The following GABRB2 variants were observed in gnomAD, a reference collection of about 807,000 sequenced individuals.
GABRB2 encodes the protein gamma-aminobutyric acid receptor subunit beta-2.
Under a neutral mutation model 54.7 loss-of-function variants are expected in GABRB2, and 16 were observed. That is an observed-to-expected ratio of 0.29 (90% CI 0.20 to 0.44). The LOEUF (loss-of-function observed/expected upper bound fraction) is 0.44, where lower values mean the gene tolerates loss of function less well. Ranked by LOEUF, GABRB2 falls within the 20% of genes least tolerant of loss-of-function variation. The probability of loss-of-function intolerance (pLI) is 1.00; values close to 1 mark genes in which losing one functional copy is unlikely to be tolerated. For synonymous variants in GABRB2, 244 were observed against 233.8 expected (o/e 1.04, Z -0.40); for missense variants, 355 against 644.0 (o/e 0.55, Z 4.86).
intron 3 of GABRB2, among the ~76,000 whole-genome samples, chr5:161,464,890 T>C (rs1320518006): frequency 6.6e-6 from 1 of 151,916 alleles, no homozygotes; most frequent in Non-Finnish European, 1.5e-5. Context: ...GGGTTCAAGA[T>C]GGGGGAGCAG....
chr5:161,394,830 G>T (rs1755946728), intron 5 of GABRB2, among the ~76,000 whole-genome samples: 1 of 151,936 alleles, frequency 6.6e-6, no homozygotes, highest in Non-Finnish European at 1.5e-5. Context: ...AAGGAAGATG[G>T]ATCACTGTCC....
At chr5:161,547,385 GA>G (rs1761020341), upstream of GABRB2, among the ~76,000 whole-genome samples, 1 of 152,038 alleles carries the variant, frequency 6.6e-6, no homozygotes, top group Non-Finnish European at 1.5e-5. Context: ...GAAAGAGAAA[GA>G]AAAGAATAAA....
At chr5:161,381,573 G>A (rs1201747711) in intron 5 of GABRB2, among the ~76,000 whole-genome samples, 3 of 152,124 alleles carry the variant, frequency 2.0e-5, no homozygotes, top group African/African-American at 4.8e-5. Flanking sequence ...CCTAGAAGAG[G>A]AGATGGGCTT....
chr5:161,477,325 T>C (rs1758625435), intron 3 of GABRB2, among the ~76,000 whole-genome samples: 1 of 145,504 alleles, frequency 6.9e-6, no homozygotes, highest in Non-Finnish European at 1.5e-5. Context: ...TTGATGAAGA[T>C]GTGGAGAAAC....
intron 5 of GABRB2, among the ~76,000 whole-genome samples, chr5:161,382,193 G>A (rs1033627219): frequency 2.6e-5 from 4 of 152,178 alleles, no homozygotes; most frequent in African/African-American, 9.6e-5. Context: ...GCAGAGGAAA[G>A]CAAATGTCAG....
Position 161,500,376 on chromosome 5 carries a change from A to G in GABRB2, c.238-40532T>C, listed in dbSNP as rs1382616013. Among the ~76,000 whole-genome samples the G allele has an allele frequency of 3.3e-5, 5 of 152,144 alleles. No individual in the cohort carries two copies. In the East Asian group the frequency reaches 9.7e-4, roughly 29 times the overall value. On this transcript the variant is annotated intron_variant, in intron 3 of 9. Coordinates refer to ENST00000393959, the MANE Select transcript of GABRB2 (RefSeq NM_001371727.1). ...TGGAGTGGATGACCCTGAAGTCAATATAGAGTAATGCAAAGAACACAGCCT... is the reference window on the plus strand; with the variant it reads ...TGGAGTGGATGACCCTGAAGTCAATGTAGAGTAATGCAAAGAACACAGCCT...
chr5:161,331,391 A>G (rs1423800865), intron 7 of GABRB2, among the ~76,000 whole-genome samples: 1 of 152,136 alleles, frequency 6.6e-6, no homozygotes, highest in African/African-American at 2.4e-5. Context: ...TTAAAACGTG[A>G]ATTAAATGCT....
intron 3 of GABRB2, among the ~76,000 whole-genome samples, chr5:161,489,117 G>C (rs1221364534): frequency 2.0e-5 from 3 of 151,718 alleles, no homozygotes; most frequent in Non-Finnish European, 4.4e-5. Flanking sequence ...GACTATTAGT[G>C]CTGAGAATGG....
In GABRB2 at chr5:161,313,463, A is replaced by T. The variant is rs112895013; in HGVS notation, c.1191+12905T>A. ...AAAACACCTCCGTCCTCTGAAACTC[A>T]GCAGCATGTATTATCTGTACCATAG... On this transcript the variant is annotated intron_variant, in intron 9 of 9. Transcript: ENST00000393959. 9.9e-3 allele frequency among the ~76,000 whole-genome samples: 1,506 copies of T among 152,120 alleles called. 28 individuals carry two copies. Among genetic ancestry groups the T allele is most frequent in the African/African-American group, 0.034 (1,393 of 41,472 alleles).
intron 5 of GABRB2, among the ~76,000 whole-genome samples, chr5:161,369,117 T>C (rs1755057001): frequency 6.6e-6 from 1 of 152,216 alleles, no homozygotes; most frequent in Non-Finnish European, 1.5e-5. Context: ...CTTCTTATCT[T>C]TGAATTCTTT....
At chr5:161,394,817 G>A (rs961767336) in intron 5 of GABRB2, among the ~76,000 whole-genome samples, 1 of 151,948 alleles carries the variant, frequency 6.6e-6, no homozygotes, top group Non-Finnish European at 1.5e-5. Context: ...TCAGAAAATA[G>A]AGAAGGAAGA....
rs1471433824 is a variant in GABRB2 at position 161,477,049 on chromosome 5, C to T, written c.238-17205G>A. On this transcript the variant is annotated intron_variant, in intron 3 of 9. Transcript: ENST00000393959. ...ATGTATCTGAGAAGGTATTAATATACAGGATATATTTTTAAAAACTCCTAC... is the reference window on the plus strand; with the variant it reads ...ATGTATCTGAGAAGGTATTAATATATAGGATATATTTTTAAAAACTCCTAC... 4.0e-5 allele frequency among the ~76,000 whole-genome samples: 6 copies of T among 151,770 alleles called. No homozygotes were observed. The South Asian group carries it at 1.0e-3, about 26-fold the overall frequency.
At chr5:161,516,472 C>T (rs192011110) in intron 3 of GABRB2, among the ~76,000 whole-genome samples, 13 of 152,090 alleles carry the variant, frequency 8.5e-5, no homozygotes, top group South Asian at 2.1e-4. Flanking sequence ...CTTCTATGCC[C>T]GTATTACAGA....
intron 5 of GABRB2, among the ~76,000 whole-genome samples, chr5:161,342,555 A>G (rs1754205105): frequency 6.6e-6 from 1 of 152,068 alleles, no homozygotes; most frequent in Admixed American, 6.6e-5. Flanking sequence ...AATCTGCTTA[A>G]TTTTACTTAC....
intron 4 of GABRB2, among the ~76,000 whole-genome samples, chr5:161,448,437 C>T (rs937961850): frequency 3.9e-5 from 6 of 152,058 alleles, no homozygotes; most frequent in African/African-American, 7.2e-5. Context: ...TTTCTTCAAT[C>T]GAGCAGAAAA....
At chr5:161,451,461 C>T (rs904070626) in intron 4 of GABRB2, among the ~76,000 whole-genome samples, 8 of 152,114 alleles carry the variant, frequency 5.3e-5, no homozygotes, top group Non-Finnish European at 7.4e-5. Context: ...GGAGTATATA[C>T]CCTGAGCCAT....
At chr5:161,442,985 G>A (rs1038680568) in intron 4 of GABRB2, among the ~76,000 whole-genome samples, 16 of 152,050 alleles carry the variant, frequency 1.1e-4, no homozygotes, top group Non-Finnish European at 1.8e-4. Context: ...ATACATTCAC[G>A]TTCAGTACCT....
intron 6 of GABRB2, 42 bp downstream of exon 6, chr5:161,336,590 G>A (rs531024953): frequency 1.6e-5 from 25 of 1,600,236 alleles, no homozygotes; most frequent in Admixed American, 1.2e-4. Flanking sequence ...AACAAAATAC[G>A]GTGAAGATTA....
intron 5 of GABRB2, among the ~76,000 whole-genome samples, chr5:161,405,844 C>G (rs1181279173): frequency 6.6e-6 from 1 of 151,802 alleles, no homozygotes; most frequent in Non-Finnish European, 1.5e-5. Flanking sequence ...CTATACTGAC[C>G]CCTTCGACAA....
Sources: gnomAD v4.1 joint callset for allele counts (sites outside exome capture counted in the v4.1 genomes callset) on GRCh38, gnomAD v4.1.1 for gene constraint, MANE v1.5 for transcripts, NCBI Gene and HGNC (gene_info 2026-07-23, HGNC 2026-07-21) for gene names.